The following C11orf65 variants were observed in gnomAD, a reference collection of about 807,000 sequenced individuals.
C11orf65 encodes protein MFI.
Under a neutral mutation model 35.3 loss-of-function variants are expected in C11orf65, and 38 were observed. That is an observed-to-expected ratio of 1.08 (90% CI 0.83 to 1.41). The LOEUF is 1.41. C11orf65 is among the 40% of genes most tolerant of loss of function. C11orf65 has a pLI of 0.00. For missense variants in C11orf65, 370 were observed against 367.1 expected (o/e 1.01, Z -0.06); for synonymous variants, 105 against 114.4 (o/e 0.92, Z 0.53).
chr11:108,405,607 T>C (rs1194413490), intron 5 of C11orf65, 48 bp from the exon 6 acceptor site: 2 of 1,581,734 alleles, frequency 1.3e-6, no homozygotes, highest in South Asian at 2.3e-5. Context: ...ATATCGATTG[T>C]GAGGTTATCT....
At chr11:108,366,386 CA>C (rs2091332168) in intron 2 of C11orf65, 1 of 216,228 alleles carries the variant, frequency 4.6e-6, no homozygotes, top group East Asian at 6.9e-5. Context: ...TTCTTGATGT[CA>C]TTTTTAATGT....
intron 2 of C11orf65, chr11:108,354,895 GA>G (rs1458408845): frequency 3.1e-6 from 5 of 1,594,584 alleles, no homozygotes; most frequent in Non-Finnish European, 4.3e-6. Flanking sequence ...TTATAAGGAA[GA>G]CTTTATTTTT....
rs143747146 is a variant in C11orf65 at position 108,440,029 on chromosome 11, C to A, written c.82-8191G>T. On this transcript the variant is annotated intron_variant, in intron 2 of 8. Transcript: ENST00000393084. ...CTGTTTAAAACAAGAATAATAATGT[C>A]TCCTGGTACTTAAAACAAAAGTGTA... 2.6e-3 allele frequency among the ~76,000 whole-genome samples: 390 copies of A among 152,222 alleles called. 3 individuals are homozygous for A. Among genetic ancestry groups the A allele is most frequent in the African/African-American group, 9.1e-3 (376 of 41,542 alleles).
chr11:108,380,890 T>C (rs1187045117), downstream of C11orf65, among the ~76,000 whole-genome samples: 1 of 152,224 alleles, frequency 6.6e-6, no homozygotes, highest in Non-Finnish European at 1.5e-5. Context: ...TAAGGACCTA[T>C]AAAATGCATG....
chr11:108,414,784 A>C (rs1173677808), intron 3 of C11orf65, among the ~76,000 whole-genome samples: 1 of 152,094 alleles, frequency 6.6e-6, no homozygotes, highest in Admixed American at 6.6e-5. Context: ...ATAGACCAAT[A>C]TCTCTCATGA....
chr11:108,333,973 T>G lies in C11orf65; in HGVS notation c.299+1247A>C, dbSNP rs56256497. ...GTCCCTACTATGGAAATTAAGGTAATTTGCAATTAACTCTTGATTTTTTTT... is the reference window on the plus strand; with the variant it reads ...GTCCCTACTATGGAAATTAAGGTAAGTTGCAATTAACTCTTGATTTTTTTT... On this transcript the variant is annotated intron_variant, in intron 3 of 3. Transcript: ENST00000524755. 6.3e-7 allele frequency: 1 copy of G among 1,593,644 alleles called. No homozygotes were observed. The highest frequency in any genetic ancestry group is 8.6e-7 in the Non-Finnish European group (1 of 1,162,008).
At chr11:108,389,084 A>C (rs887024789) in intron 7 of C11orf65, among the ~76,000 whole-genome samples, 2 of 152,290 alleles carry the variant, frequency 1.3e-5, no homozygotes, top group Non-Finnish European at 2.9e-5. Context: ...CATTTATGCC[A>C]TTCTAACTGT....
At position 108,331,571 on chromosome 11, in the gene C11orf65, A is replaced by G. The variant is rs2136500635; in HGVS notation, c.300-4T>C. On this transcript the variant is annotated splice_region_variant and splice_polypyrimidine_tract_variant and intron_variant, in intron 3 of 3. Coordinates refer to the C11orf65 transcript ENST00000524755. ...GTCCTCAATAATGTAAGTAAACCTG[A>G]AAATCAAACCACAATAATTATTTTT... 6.2e-7 allele frequency: 1 copy of G among 1,601,538 alleles called. No individual in the cohort carries two copies. Among genetic ancestry groups the G allele is most frequent in the Middle Eastern group, 1.7e-4 (1 of 5,776 alleles).
At chr11:108,463,924 ATT>A (rs10677306) in intron 1 of C11orf65, among the ~76,000 whole-genome samples, 105 of 132,380 alleles carry the variant, frequency 7.9e-4, no homozygotes, top group Middle Eastern at 3.8e-3. Context: ...AGATTTGTTA[ATT>A]TTTTTTTTTT....
intron 6 of C11orf65, among the ~76,000 whole-genome samples, 155 bp downstream of exon 6, chr11:108,405,274 G>A (rs1480622978): frequency 6.6e-6 from 1 of 152,336 alleles, no homozygotes; most frequent in East Asian, 1.9e-4. Context: ...ATATCTGTGT[G>A]TCAGTGTGCG....
chr11:108,404,303 G>C (rs2092496585), intron 6 of C11orf65, among the ~76,000 whole-genome samples: 3 of 152,192 alleles, frequency 2.0e-5, no homozygotes, highest in African/African-American at 7.2e-5. Context: ...CCTTAGGCCT[G>C]TTAGGACTTG....
intron 6 of C11orf65, among the ~76,000 whole-genome samples, chr11:108,404,681 A>G (rs1244112593): frequency 6.7e-6 from 1 of 149,832 alleles, no homozygotes; most frequent in Non-Finnish European, 1.5e-5. Flanking sequence ...TGCCTGCCTC[A>G]GCCTCCCAAA....
chr11:108,317,559 C>G lies in C11orf65; in HGVS notation c.641-8488G>C, dbSNP rs2084800621. On this transcript the variant is annotated intron_variant, in intron 6 of 6. Coordinates refer to the C11orf65 transcript ENST00000525729. ...ACTTGATTTTTTTTTTTTTGCCTCT[C>G]TCCTCATTCTAAACAACAACTGTTT... is the stretch of plus-strand genomic sequence containing the variant. 5.8e-6 allele frequency: 9 copies of G among 1,552,874 alleles called. No individual in the cohort carries two copies. Among genetic ancestry groups the G allele is most frequent in the South Asian group, 1.1e-5 (1 of 89,702 alleles).
At chr11:108,352,137 C>T (rs1565576365) in intron 2 of C11orf65, among the ~76,000 whole-genome samples, 2 of 152,154 alleles carry the variant, frequency 1.3e-5, no homozygotes, top group Non-Finnish European at 2.9e-5. Flanking sequence ...ATACCTGGAA[C>T]CAGGAAAATC....
At chr11:108,329,449 C>G (rs2086032560), downstream of C11orf65, 6 of 564,140 alleles carry the variant, frequency 1.1e-5, no homozygotes, top group Non-Finnish European at 1.9e-5. Flanking sequence ...CTCTGTCACC[C>G]AGGCTGGAGT....
intron 6 of C11orf65, chr11:108,312,420 A>C: frequency 6.3e-7 from 1 of 1,592,394 alleles, no homozygotes; most frequent in Non-Finnish European, 8.6e-7. Flanking sequence ...GAAGTCTTGC[A>C]TTTGAAGAAG....
chr11:108,317,372 G>C, intron 6 of C11orf65: 1 of 1,610,124 alleles, frequency 6.2e-7, no homozygotes, highest in South Asian at 1.1e-5. Context: ...CTCCTGTTTA[G>C]GCCTTGCAGA....
chr11:108,311,255 A>T (rs987923971), intron 6 of C11orf65, among the ~76,000 whole-genome samples: 4 of 152,196 alleles, frequency 2.6e-5, no homozygotes, highest in East Asian at 3.8e-4. Flanking sequence ...GATTACAAGC[A>T]TGAGCCGCTG....
chr11:108,419,778 TAACA>T (rs955835288), intron 3 of C11orf65, among the ~76,000 whole-genome samples: 9 of 152,190 alleles, frequency 5.9e-5, no homozygotes, highest in African/African-American at 1.9e-4. Context: ...AAGGATTCTA[TAACA>T]AACAAACAAA....
Sources: gnomAD v4.1 joint callset for allele counts (sites outside exome capture counted in the v4.1 genomes callset) on GRCh38, gnomAD v4.1.1 for gene constraint, MANE v1.5 for transcripts, NCBI Gene and HGNC (gene_info 2026-07-23, HGNC 2026-07-21) for gene names.